The following CACNA1A variants were observed in gnomAD, a reference collection of about 807,000 sequenced individuals.
The protein encoded by CACNA1A is voltage-dependent P/Q-type calcium channel subunit alpha-1A.
A neutral mutation model predicts 262.4 loss-of-function variants in CACNA1A; 57 were observed. The ratio of observed to expected loss-of-function variants is 0.22; its 90% CI spans 0.18 to 0.27. The LOEUF (loss-of-function observed/expected upper bound fraction) is 0.27. Among genes scored for constraint, CACNA1A ranks in the 10% least tolerant of loss-of-function variants. The pLI, the probability that CACNA1A is intolerant of heterozygous loss-of-function variation, is 1.00. For missense variants in CACNA1A, 2,526 were observed against 3,562.8 expected, an observed-to-expected ratio of 0.71 and a Z score of 7.41; for synonymous variants, 1,431 against 1,419.3, an observed-to-expected ratio of 1.01 and a Z score of -0.18.
intron 1 of CACNA1A, among the ~76,000 whole-genome samples, chr19:13,470,547 T>C (rs1376909172): frequency 6.6e-6 from 1 of 152,232 alleles, no homozygotes; most frequent in Non-Finnish European, 1.5e-5. Context: ...ACCCTTTATC[T>C]ATCTCTATCC....
intron 3 of CACNA1A, among the ~76,000 whole-genome samples, chr19:13,381,653 G>T (rs1276632764): frequency 6.6e-6 from 1 of 152,218 alleles, no homozygotes; most frequent in African/African-American, 2.4e-5. Flanking sequence ...TCCAGCTGGT[G>T]CAAAGGTCCT....
intron 31 of CACNA1A, chr19:13,243,718 G>T (rs539184628): frequency 6.6e-6 from 1 of 152,010 alleles, no homozygotes; most frequent in Non-Finnish European, 1.5e-5. Flanking sequence ...CACCACACCT[G>T]GCTAATTTTT....
intron 31 of CACNA1A, among the ~76,000 whole-genome samples, chr19:13,242,908 C>CAAG (rs1158337178): frequency 6.6e-6 from 1 of 152,064 alleles, no homozygotes; most frequent in African/African-American, 2.4e-5. Flanking sequence ...TTGGCTACTG[C>CAAG]AAGGGTCCTG....
chr19:13,405,599 T>G (rs1009704994), intron 3 of CACNA1A, among the ~76,000 whole-genome samples: 1 of 152,160 alleles, frequency 6.6e-6, no homozygotes, highest in Non-Finnish European at 1.5e-5. Context: ...GAGCTGTATG[T>G]CAATTATTTC....
At chr19:13,288,210 A>G (rs1375055748) in intron 19 of CACNA1A, among the ~76,000 whole-genome samples, 2 of 146,512 alleles carry the variant, frequency 1.4e-5, no homozygotes, top group African/African-American at 5.0e-5. Context: ...GAATACCCCC[A>G]TTTTCTTTTT....
chr19:13,207,425 C>T lies in CACNA1A; in HGVS notation c.7409G>A (p.Arg2470Gln), dbSNP rs754738036. The change falls in exon 47 of 47, where the codon CGG becomes CAG. Residue 2470 changes from arginine to glutamine, a missense_variant. Transcript: ENST00000360228. This position sits in a 1 kb window ranked among gnomAD's most constrained non-coding sequence, Gnocchi z 5.7. ...CGGGTAGTAGCCGTTGGGGAGTCGC[C>T]GGCCGTGCCGAGAAGGCGAGGCGCA... is the stretch of plus-strand genomic sequence containing the variant. ...PACASPSRHGRRLPNGYYPAH... is the reference protein window; with the variant it reads ...PACASPSRHGQRLPNGYYPAH... 24 of 1,523,996 alleles carry T rather than the reference C, an allele frequency of 1.6e-5. No individual in the cohort carries two copies. Among genetic ancestry groups the T allele is most frequent in the African/African-American group, 2.8e-5 (2 of 71,018 alleles). 94.4% of individuals were successfully genotyped at this position (1,523,996 alleles called of 1,614,324 possible).
intron 31 of CACNA1A, among the ~76,000 whole-genome samples, chr19:13,243,370 T>C (rs537264031): frequency 6.6e-6 from 1 of 152,208 alleles, no homozygotes; most frequent in Admixed American, 6.5e-5. Context: ...CCCCCTCTTT[T>C]GTGTAGTTCC....
At chr19:13,363,238 AGAAACCTAG>A (rs1347957842) in intron 5 of CACNA1A, 2 of 152,020 alleles carry the variant, frequency 1.3e-5, no homozygotes, top group African/African-American at 4.8e-5. Flanking sequence ...AAAACTTCAC[AGAAACCTAG>A]GATCCAGGAG....
Position 13,245,175 on chromosome 19 carries a change from G to C in CACNA1A, c.4950+7C>G. On this transcript the variant is annotated splice_region_variant and intron_variant, in intron 31 of 46. Coordinates refer to ENST00000360228, the MANE Select transcript of CACNA1A (RefSeq NM_001127222.2). Reference sequence around the variant, plus strand: ...GTCACCCAGAGAGAAGCTGGAGGGAGACTTACCCCAAACTCAGTCACGAGG... The same window carrying C: ...GTCACCCAGAGAGAAGCTGGAGGGACACTTACCCCAAACTCAGTCACGAGG... 6.2e-7 allele frequency: 1 copy of C among 1,611,844 alleles called. No homozygotes were observed. Among genetic ancestry groups the C allele is most frequent in the Non-Finnish European group, 8.5e-7 (1 of 1,177,994 alleles).
chr19:13,456,017 G>A (rs2061001070), intron 1 of CACNA1A, among the ~76,000 whole-genome samples: 1 of 151,954 alleles, frequency 6.6e-6, no homozygotes, highest in Non-Finnish European at 1.5e-5. Flanking sequence ...AGGCGTGGTG[G>A]TACACACCTG....
intron 1 of CACNA1A, among the ~76,000 whole-genome samples, chr19:13,504,991 TTACC>T (rs1409173567): frequency 1.3e-5 from 2 of 152,118 alleles, no homozygotes; most frequent in African/African-American, 2.4e-5. Context: ...TAAAAGGCAT[TTACC>T]TACCTAAGAT....
chr19:13,467,971 A>AGTGT (rs57410716), intron 1 of CACNA1A, among the ~76,000 whole-genome samples: 1,915 of 150,054 alleles, frequency 0.013, 23 homozygotes, highest in African/African-American at 0.023. Flanking sequence ...GAGATGAGTG[A>AGTGT]GTGTGTGTGT....
Position 13,365,308 on chromosome 19 carries a change from T to C in CACNA1A, c.784+9A>G, listed in dbSNP as rs746215285. On this transcript the variant is annotated intron_variant, in intron 5 of 46. Transcript: ENST00000360228. ...AACTGGAAAGATGCATCATGCTCCG[T>C]GGACCTACCTGTCCCCTCTTCAAAG... is the stretch of plus-strand genomic sequence containing the variant. The C allele has an allele frequency of 1.5e-5, 24 of 1,608,690 alleles. No individual in the cohort carries two copies. Among genetic ancestry groups the C allele is most frequent in the Admixed American group, 1.2e-4 (7 of 59,754 alleles).
Position 13,212,343 on chromosome 19 carries a change from C to A in CACNA1A, c.6189+41G>T. On this transcript the variant is annotated intron_variant, in intron 42 of 46. Coordinates refer to ENST00000360228, the MANE Select transcript of CACNA1A (RefSeq NM_001127222.2). The surrounding 1 kb of genome is among the most constrained non-coding windows in gnomAD (Gnocchi z 5.6). ...CCAGATCCCTTCCACCTGAACCACC[C>A]GGGCCCTGGGAGCCATTGGGGAGTT... 6.2e-7 allele frequency: 1 copy of A among 1,611,508 alleles called. No homozygotes were observed. Among genetic ancestry groups the A allele is most frequent in the South Asian group, 1.1e-5 (1 of 90,702 alleles).
Position 13,307,838 on chromosome 19 carries a change from C to G in CACNA1A, c.1930G>C (p.Gly644Arg). ...GTATCGAAGTTGGTGGGAGGAGTCC[C>G]TTCATCGAAATTAAACCTGCAGGGA... ...LFGGQFNFDE[G>R]TPPTNFDTFP... Residue 644 changes from glycine to arginine, a missense_variant, in exon 15 of 47, where the codon GGG becomes CGG. By Grantham distance (125) the Gly-to-Arg change is moderately radical. Transcript: ENST00000360228. 1 of 1,613,892 alleles carries G rather than the reference C, an allele frequency of 6.2e-7. No individual in the cohort carries two copies. The highest frequency in any genetic ancestry group is 8.5e-7 in the Non-Finnish European group (1 of 1,179,830).
intron 6 of CACNA1A, among the ~76,000 whole-genome samples, chr19:13,338,047 G>A (rs111317595): frequency 0.012 from 1,894 of 152,162 alleles, 14 homozygotes; most frequent in Non-Finnish European, 0.02. Flanking sequence ...GTGAAACCCC[G>A]TCTCTACTAA....
chr19:13,378,785 A>C (rs371342837), intron 3 of CACNA1A, among the ~76,000 whole-genome samples: 61 of 151,344 alleles, frequency 4.0e-4, no homozygotes, highest in Middle Eastern at 3.4e-3. Flanking sequence ...CTCGTGCCTC[A>C]GCCTCCCGAG....
intron 3 of CACNA1A, among the ~76,000 whole-genome samples, chr19:13,450,094 T>A (rs1568656992): frequency 6.9e-6 from 1 of 144,592 alleles, no homozygotes; most frequent in African/African-American, 2.7e-5. Context: ...TGAGCTGAGA[T>A]TGTACCACTG....
intron 3 of CACNA1A, among the ~76,000 whole-genome samples, chr19:13,380,084 G>A (rs1432502715): frequency 2.9e-5 from 4 of 136,770 alleles, no homozygotes; most frequent in Non-Finnish European, 6.2e-5. Context: ...AGGAGTTCGA[G>A]ACCAGCCTGG....
Sources: gnomAD v4.1 joint callset for allele counts (sites outside exome capture counted in the v4.1 genomes callset) on GRCh38, gnomAD v4.1.1 for gene constraint, Gnocchi (gnomAD v3.1) non-coding constraint, MANE v1.5 for transcripts, NCBI Gene and HGNC (gene_info 2026-07-23, HGNC 2026-07-21) for gene names.